Variants in DISC1 observed in about 807,000 individuals in gnomAD.
The protein encoded by DISC1 is disrupted in schizophrenia 1 protein.
Under a neutral mutation model 84.5 loss-of-function variants are expected in DISC1, and 57 were observed. The ratio of observed to expected loss-of-function variants is 0.67; its 90% CI spans 0.55 to 0.84. The LOEUF is 0.84. DISC1 is among the 40% of genes least tolerant of loss of function. The probability of loss-of-function intolerance (pLI) is 0.00; values close to 1 mark genes in which losing one functional copy is unlikely to be tolerated. For missense variants in DISC1, 1,000 were observed against 1,057.8 expected (o/e 0.95, Z 0.76); for synonymous variants, 411 against 415.2 (o/e 0.99, Z 0.12).
chr1:231,722,626 G>A, intron 3 of DISC1: 1 of 1,613,980 alleles, frequency 6.2e-7, no homozygotes, highest in Non-Finnish European at 8.5e-7. Flanking sequence ...TTTAAACAAA[G>A]CAAGACAAAT....
intron 10 of DISC1, among the ~76,000 whole-genome samples, chr1:231,964,136 A>G (rs1422877750): frequency 6.6e-6 from 1 of 152,168 alleles, no homozygotes; most frequent in Non-Finnish European, 1.5e-5. Context: ...CTCCTCCCTT[A>G]ATAAGATTAA....
intron 8 of DISC1, among the ~76,000 whole-genome samples, chr1:231,803,230 A>AG (rs1164111500): frequency 6.6e-6 from 1 of 151,890 alleles, no homozygotes; most frequent in Non-Finnish European, 1.5e-5. Flanking sequence ...CTTCCTTACA[A>AG]CATGGCTGCT....
At chr1:231,667,858 C>T (rs1417585) in intron 1 of DISC1, among the ~76,000 whole-genome samples, 69,863 of 151,748 alleles carry the variant, frequency 0.46, 16,645 homozygotes, top group East Asian at 0.82. Flanking sequence ...CTTATTTTTT[C>T]AAAACTACTT....
intron 3 of DISC1, among the ~76,000 whole-genome samples, chr1:231,734,478 CGT>C (rs924810421): frequency 1.2e-5 from 1 of 82,748 alleles, no homozygotes; most frequent in Non-Finnish European, 3.3e-5. Flanking sequence ...ATTGGCATCA[CGT>C]GCTCTCTCTC....
At chr1:231,701,295 G>A (rs762762382) in intron 2 of DISC1, among the ~76,000 whole-genome samples, 1 of 152,110 alleles carries the variant, frequency 6.6e-6, no homozygotes, top group Non-Finnish European at 1.5e-5. Context: ...CACGACATGC[G>A]GGAATTATGG....
intron 8 of DISC1, among the ~76,000 whole-genome samples, chr1:231,812,418 G>T (rs1165586944): frequency 1.3e-5 from 2 of 152,128 alleles, no homozygotes; most frequent in Non-Finnish European, 2.9e-5. Flanking sequence ...GTCAGCTTCA[G>T]CATAAATTGT....
intron 11 of DISC1, among the ~76,000 whole-genome samples, chr1:232,022,567 A>G (rs1669059829): frequency 6.6e-6 from 1 of 152,012 alleles, no homozygotes; most frequent in Non-Finnish European, 1.5e-5. Flanking sequence ...CGGCCTCCCA[A>G]AGTGCTGGGA....
intron 9 of DISC1, among the ~76,000 whole-genome samples, chr1:231,891,752 T>C (rs2087239160): frequency 6.6e-6 from 1 of 152,110 alleles, no homozygotes; most frequent in Non-Finnish European, 1.5e-5. Flanking sequence ...TGGGTCAAGA[T>C]AACATAATTT....
At chr1:231,913,254 C>T (rs1315912775) in intron 9 of DISC1, among the ~76,000 whole-genome samples, 1 of 152,170 alleles carries the variant, frequency 6.6e-6, no homozygotes, top group Non-Finnish European at 1.5e-5. Flanking sequence ...ATCTAGCTTG[C>T]CCCCAGTGGC....
chr1:231,773,478 A>G (rs948833219), intron 6 of DISC1, among the ~76,000 whole-genome samples: 6 of 152,086 alleles, frequency 3.9e-5, no homozygotes, highest in Non-Finnish European at 8.8e-5. Context: ...TCCGCCTCCC[A>G]GGTTCAAGCG....
intron 9 of DISC1, among the ~76,000 whole-genome samples, chr1:231,827,544 G>T (rs1032676755): frequency 2.6e-5 from 4 of 152,152 alleles, no homozygotes; most frequent in Non-Finnish European, 5.9e-5. Flanking sequence ...CTTTGAAGCT[G>T]CCATATGTTA....
At chr1:231,656,948 C>G (rs377116240) in intron 1 of DISC1, among the ~76,000 whole-genome samples, 27 of 152,308 alleles carry the variant, frequency 1.8e-4, no homozygotes, top group African/African-American at 5.3e-4. Context: ...CCATCCATAT[C>G]CCTGCAAAGG....
At chr1:231,993,805 A>G (rs1161301455) in intron 10 of DISC1, among the ~76,000 whole-genome samples, 1 of 152,192 alleles carries the variant, frequency 6.6e-6, no homozygotes, top group Non-Finnish European at 1.5e-5. Context: ...GGGAGCCCTG[A>G]TAACTTTGAT....
intron 3 of DISC1, chr1:231,723,209 T>C: frequency 1.1e-6 from 1 of 879,992 alleles, no homozygotes; most frequent in South Asian, 5.0e-5. Context: ...TCATGTTGGA[T>C]TAAGGATCTG....
Position 232,008,935 on chromosome 1 carries a change from T to C in DISC1, c.2193T>C (p.Pro731=), listed in dbSNP as rs1481121179. The C allele has an allele frequency of 6.8e-6, 11 of 1,613,614 alleles. No individual in the cohort carries two copies. The highest frequency in any genetic ancestry group is 1.7e-5 in the Admixed American group (1 of 59,984). The change falls in exon 11 of 13, where the codon CCT becomes CCC. Residue 731 remains proline, a synonymous_variant. Transcript: ENST00000439617. ...ATGACTTAGAGGGAGCTGCTCCTCC[T>C]ATTCCCCCCAGGCTCCACTCCGAGG... ...QMDDLEGAAP[P]IPPRLHSEDK...
chr1:231,653,591 A>T (rs1280056917), intron 1 of DISC1, among the ~76,000 whole-genome samples: 2 of 152,198 alleles, frequency 1.3e-5, no homozygotes, highest in African/African-American at 4.8e-5. Context: ...GTGGGAGGAA[A>T]GGAAATACAT....
At chr1:231,703,675 A>G (rs898921348) in intron 3 of DISC1, among the ~76,000 whole-genome samples, 2 of 152,120 alleles carry the variant, frequency 1.3e-5, no homozygotes, top group Admixed American at 6.5e-5. Context: ...CACTTCTTTA[A>G]TCTTTTCTCC....
intron 8 of DISC1, among the ~76,000 whole-genome samples, chr1:231,814,006 T>A (rs1211265197): frequency 6.6e-6 from 1 of 152,158 alleles, no homozygotes; most frequent in Non-Finnish European, 1.5e-5. Context: ...TGAGTCTCAA[T>A]AGGGTCTTTA....
chr1:231,984,039 G>T (rs1361019636), intron 10 of DISC1, among the ~76,000 whole-genome samples: 2 of 152,226 alleles, frequency 1.3e-5, no homozygotes, highest in Non-Finnish European at 2.9e-5. Context: ...GCGGCATGGG[G>T]CCAGGATTCA....
Sources: allele counts gnomAD v4.1 joint callset (sites outside exome capture counted in the v4.1 genomes callset), GRCh38; gene constraint gnomAD v4.1.1; transcripts MANE v1.5; gene names NCBI Gene and HGNC (gene_info 2026-07-23, HGNC 2026-07-21).